The following FRMD5 variants were observed in gnomAD, a reference collection of about 807,000 sequenced individuals.
The protein encoded by FRMD5 is FERM domain containing 5, also known as FERM domain-containing protein 5.
In FRMD5, 20 loss-of-function variants were observed where a neutral mutation model predicts 69.0. The observed-to-expected ratio is 0.29, with a 90% confidence interval of 0.20 to 0.42. The LOEUF (loss-of-function observed/expected upper bound fraction) is 0.42, where lower values mean the gene tolerates loss of function less well. Among genes scored for constraint, FRMD5 ranks in the 10% least tolerant of loss-of-function variants. The pLI, the probability that FRMD5 is intolerant of heterozygous loss-of-function variation, is 1.00. For synonymous variants in FRMD5, 271 were observed against 260.1 expected (o/e 1.04, Z -0.40); for missense variants, 595 against 708.6 (o/e 0.84, Z 1.82).
At chr15:43,879,708 C>T (rs1162770042) in intron 13 of FRMD5, 1 of 399,036 alleles carries the variant, frequency 2.5e-6, no homozygotes, top group Admixed American at 4.4e-5. Context: ...CAGTGGAAAC[C>T]AGCTGATCTC....
intron 1 of FRMD5, among the ~76,000 whole-genome samples, chr15:44,000,838 G>C (rs924639970): frequency 6.6e-6 from 1 of 152,032 alleles, no homozygotes; most frequent in Non-Finnish European, 1.5e-5. Context: ...TTTGGAGATA[G>C]GGTCTCACTC....
chr15:43,973,143 C>T (rs2090409009), intron 1 of FRMD5, among the ~76,000 whole-genome samples: 1 of 152,110 alleles, frequency 6.6e-6, no homozygotes, highest in Admixed American at 6.5e-5. Context: ...CTGCCTCAGC[C>T]TCCCGAGTAG....
intron 1 of FRMD5, among the ~76,000 whole-genome samples, chr15:44,000,442 G>T (rs918231182): frequency 6.6e-6 from 1 of 151,860 alleles, no homozygotes; most frequent in African/African-American, 2.4e-5. Context: ...GGGATTGCTG[G>T]ATCACATGGT....
intron 1 of FRMD5, among the ~76,000 whole-genome samples, chr15:43,977,350 T>C (rs892250242): frequency 1.5e-4 from 23 of 152,202 alleles, no homozygotes; most frequent in African/African-American, 5.5e-4. Flanking sequence ...GGCATCACTA[T>C]TGTTAATTCT....
chr15:43,957,029 CT>C (rs1416281921), intron 1 of FRMD5, among the ~76,000 whole-genome samples: 2 of 152,144 alleles, frequency 1.3e-5, no homozygotes, highest in South Asian at 2.1e-4. Context: ...GTATCTTCCC[CT>C]ATCATCCCTT....
chr15:44,132,930 T>C (rs2077124723), intron 1 of FRMD5, among the ~76,000 whole-genome samples: 1 of 151,862 alleles, frequency 6.6e-6, no homozygotes, highest in Admixed American at 6.6e-5. Context: ...GCCTGGCTAA[T>C]TTTTGTACTT....
At chr15:43,900,242 CA>C (rs1260664059) in intron 7 of FRMD5, among the ~76,000 whole-genome samples, 20 of 152,178 alleles carry the variant, frequency 1.3e-4, no homozygotes, top group African/African-American at 4.6e-4. Context: ...CCAGCTTATC[CA>C]AAGCTCTCTT....
At chr15:43,986,892 G>T (rs1358634188) in intron 1 of FRMD5, among the ~76,000 whole-genome samples, 2 of 151,788 alleles carry the variant, frequency 1.3e-5, no homozygotes, top group Non-Finnish European at 2.9e-5. Flanking sequence ...CTCATTTTGT[G>T]TCTCTGTTGC....
At chr15:43,980,456 A>G (rs1332083364) in intron 1 of FRMD5, among the ~76,000 whole-genome samples, 1 of 152,176 alleles carries the variant, frequency 6.6e-6, no homozygotes, top group Non-Finnish European at 1.5e-5. Flanking sequence ...TTTACCTCCT[A>G]AAGTCTTTTC....
At chr15:43,947,966 G>A (rs552049195) in intron 1 of FRMD5, among the ~76,000 whole-genome samples, 4 of 127,526 alleles carry the variant, frequency 3.1e-5, no homozygotes, top group African/African-American at 1.2e-4. Context: ...AAGAGGGGTA[G>A]GGAGAGAAGG....
intron 1 of FRMD5, among the ~76,000 whole-genome samples, chr15:44,094,532 G>A (rs567172636): frequency 6.6e-6 from 1 of 152,172 alleles, no homozygotes; most frequent in African/African-American, 2.4e-5. Context: ...AATTCCTCTA[G>A]TATTTATCAA....
At position 43,874,119 on chromosome 15, in the gene FRMD5, C is replaced by T; in HGVS notation, c.1479G>A (p.Gln493=). 3.1e-6 allele frequency: 5 copies of T among 1,614,210 alleles called. No individual in the cohort carries two copies. Among genetic ancestry groups the T allele is most frequent in the Non-Finnish European group, 4.2e-6 (5 of 1,180,022 alleles). The change falls in exon 14 of 14, where the codon CAG becomes CAA. Residue 493 remains glutamine (Q), a synonymous_variant. Coordinates refer to ENST00000417257, the MANE Select transcript of FRMD5 (RefSeq NM_032892.5). ...GGACACTTAGAACAAACTTATTCAC[C>T]TGTTCCTCCTCGGGCCCGCTGTGCC... The part of the protein sequence containing the change: ...CQGHSGPEEE[Q]VNKFVLSVLR...
At chr15:44,030,189 A>G (rs1282441169) in intron 1 of FRMD5, among the ~76,000 whole-genome samples, 2 of 151,932 alleles carry the variant, frequency 1.3e-5, no homozygotes, top group Non-Finnish European at 2.9e-5. Context: ...TCATTACAAC[A>G]CTGATTTTTT....
At chr15:44,027,477 T>C (rs1450079224) in intron 1 of FRMD5, among the ~76,000 whole-genome samples, 1 of 152,160 alleles carries the variant, frequency 6.6e-6, no homozygotes, top group African/African-American at 2.4e-5. Context: ...ATTTTCTCAC[T>C]ACAGTGCAGT....
At chr15:44,030,466 T>C (rs1432868841) in intron 1 of FRMD5, among the ~76,000 whole-genome samples, 2 of 152,212 alleles carry the variant, frequency 1.3e-5, no homozygotes, top group Non-Finnish European at 2.9e-5. Context: ...AGCACTACTT[T>C]ATGTGTTAAT....
chr15:44,051,310 C>G (rs913994570), intron 1 of FRMD5, among the ~76,000 whole-genome samples: 1 of 149,598 alleles, frequency 6.7e-6, no homozygotes, highest in African/African-American at 2.4e-5. Flanking sequence ...CATGACCACA[C>G]TGGGCTAATT....
chr15:44,014,754 A>C lies in FRMD5; in HGVS notation c.103-90445T>G, dbSNP rs553497265. Among the ~76,000 whole-genome samples the C allele has an allele frequency of 2.0e-5, 3 of 151,810 alleles. No homozygotes were observed. The East Asian group carries it at 5.8e-4, about 29-fold the overall frequency. On this transcript the variant is annotated intron_variant, in intron 1 of 13. Coordinates refer to ENST00000417257, the MANE Select transcript of FRMD5 (RefSeq NM_032892.5). ...CTTCGTCTCAAAAAAAAGAAAAAAG[A>C]AAAAAAAAGAATACCTACCTCAAGA...
At chr15:44,113,522 C>T (rs1003180427) in intron 1 of FRMD5, among the ~76,000 whole-genome samples, 1 of 152,196 alleles carries the variant, frequency 6.6e-6, no homozygotes, top group Admixed American at 6.5e-5. Flanking sequence ...GGGGTATTCA[C>T]CCTCTCTGGC....
intron 1 of FRMD5, among the ~76,000 whole-genome samples, chr15:44,000,838 G>A (rs924639970): frequency 1.3e-5 from 2 of 152,032 alleles, no homozygotes; most frequent in African/African-American, 2.4e-5. Flanking sequence ...TTTGGAGATA[G>A]GGTCTCACTC....
Sources: allele counts gnomAD v4.1 joint callset (sites outside exome capture counted in the v4.1 genomes callset), GRCh38; gene constraint gnomAD v4.1.1; transcripts MANE v1.5; gene names NCBI Gene and HGNC (gene_info 2026-07-23, HGNC 2026-07-21).